The following NIPBL variants were observed in gnomAD, a reference collection of about 807,000 sequenced individuals.
NIPBL encodes NIPBL cohesin loading factor.
Under a neutral mutation model 321.8 loss-of-function variants are expected in NIPBL, and 19 were observed. The observed-to-expected ratio is 0.06, with a 90% confidence interval of 0.04 to 0.09. NIPBL has a LOEUF of 0.09. Among genes scored for constraint, NIPBL ranks in the 10% least tolerant of loss-of-function variants. NIPBL has a pLI of 1.00. For missense variants in NIPBL, 2,210 were observed against 3,327.0 expected, an observed-to-expected ratio of 0.66 and a Z score of 8.26; for synonymous variants, 1,106 against 1,114.1, an observed-to-expected ratio of 0.99 and a Z score of 0.14.
chr5:36,909,690 G>A (rs1198008955), intron 1 of NIPBL, among the ~76,000 whole-genome samples: 1 of 151,976 alleles, frequency 6.6e-6, no homozygotes, highest in Non-Finnish European at 1.5e-5. Flanking sequence ...AAGGTTAAAT[G>A]GGCATATAGT....
At chr5:36,943,617 A>C (rs1302741182) in intron 1 of NIPBL, among the ~76,000 whole-genome samples, 2 of 152,170 alleles carry the variant, frequency 1.3e-5, no homozygotes, top group Non-Finnish European at 2.9e-5. Context: ...AGAGATATTG[A>C]TTAGATAATT....
chr5:36,944,414 G>A (rs572762822), intron 1 of NIPBL, among the ~76,000 whole-genome samples: 35 of 152,112 alleles, frequency 2.3e-4, no homozygotes, highest in Non-Finnish European at 4.3e-4. Context: ...AGTATCTGAA[G>A]CATATTCCAT....
At chr5:36,886,348 C>A in intron 1 of NIPBL, 1 of 703,962 alleles carries the variant, frequency 1.4e-6, no homozygotes, top group Non-Finnish European at 2.6e-6. Flanking sequence ...CACCTGCCAC[C>A]GCCTGCTTGA....
intron 29 of NIPBL, 110 bp downstream of exon 29, chr5:37,022,500 A>T: frequency 1.0e-6 from 1 of 965,206 alleles, no homozygotes. Flanking sequence ...TTATATATTT[A>T]TATTGTCAAA....
rs1332816643 is a variant in NIPBL at position 37,007,901 on chromosome 5, T to C, written c.4240-107T>C. 5 of 750,928 alleles carry C rather than the reference T, an allele frequency of 6.7e-6. No individual in the cohort carries two copies. The East Asian group carries it at 1.3e-4, about 20-fold the overall frequency. The allele number at this position is 750,928 out of a possible 1,614,324, so 46.5% of individuals were successfully genotyped here. ...TTAGGTGGGGAAAAGAAAAAATGCT[T>C]TCTTAGTGTTTTCCAGTAAGCTTAT... On this transcript the variant is annotated intron_variant, in intron 18 of 46. Coordinates refer to ENST00000282516, the MANE Select transcript of NIPBL (RefSeq NM_133433.4).
intron 1 of NIPBL, among the ~76,000 whole-genome samples, chr5:36,936,057 G>C (rs1738384626): frequency 6.6e-6 from 1 of 152,022 alleles, no homozygotes; most frequent in African/African-American, 2.4e-5. Flanking sequence ...ATTTGCAGGG[G>C]GTTGAGGGTT....
chr5:36,935,456 C>G (rs991351716), intron 1 of NIPBL, among the ~76,000 whole-genome samples: 2 of 152,094 alleles, frequency 1.3e-5, no homozygotes, highest in African/African-American at 2.4e-5. Flanking sequence ...GTCTAGTGAT[C>G]AGTTCTCAGA....
At chr5:37,053,881 C>T (rs159913) in intron 42 of NIPBL, among the ~76,000 whole-genome samples, 87,058 of 151,666 alleles carry the variant, frequency 0.57, 27,523 homozygotes, top group African/African-American at 0.86. Flanking sequence ...CACGCATGAA[C>T]CTATGTGTAT....
intron 29 of NIPBL, among the ~76,000 whole-genome samples, chr5:37,022,886 G>A (rs539063989): frequency 2.0e-5 from 3 of 152,282 alleles, no homozygotes; most frequent in South Asian, 2.1e-4. Context: ...AAAGTCCATT[G>A]AGGTTTAAGA....
chr5:36,891,251 G>A (rs954991904), intron 1 of NIPBL, among the ~76,000 whole-genome samples: 3 of 152,034 alleles, frequency 2.0e-5, no homozygotes, highest in Non-Finnish European at 4.4e-5. Context: ...GGCAAAGAGC[G>A]AGACTCCATC....
At chr5:36,918,338 T>C (rs531032687) in intron 1 of NIPBL, among the ~76,000 whole-genome samples, 5 of 152,268 alleles carry the variant, frequency 3.3e-5, no homozygotes, top group African/African-American at 1.2e-4. Context: ...CTGTTATTGG[T>C]GTTTAAGAAT....
intron 1 of NIPBL, among the ~76,000 whole-genome samples, chr5:36,929,533 A>G (rs1387120641): frequency 2.0e-5 from 3 of 151,968 alleles, no homozygotes; most frequent in Non-Finnish European, 4.4e-5. Context: ...TATTGATATC[A>G]TTTGAACTAT....
intron 1 of NIPBL, among the ~76,000 whole-genome samples, chr5:36,899,047 A>G (rs1747005736): frequency 6.6e-6 from 1 of 152,202 alleles, no homozygotes; most frequent in African/African-American, 2.4e-5. Flanking sequence ...GAAATCGAAG[A>G]AAACATTTGC....
chr5:36,955,318 G>A (rs1740818358), intron 2 of NIPBL, among the ~76,000 whole-genome samples, 154 bp from the exon 3 acceptor site: 1 of 152,108 alleles, frequency 6.6e-6, no homozygotes, highest in African/African-American at 2.4e-5. Flanking sequence ...AGTTTTGTAG[G>A]GTTGATTGAG....
rs185251340 is a variant in NIPBL, at chr5:36,989,568, T to G, written c.3121+3267T>G. Among the ~76,000 whole-genome samples the G allele has an allele frequency of 5.2e-4, 79 of 152,290 alleles. 1 individual carries two copies. The highest frequency in any genetic ancestry group is 4.1e-3 in the Admixed American group (62 of 15,290). ...AAAATAATAAAGTTATGAGATCCTT[T>G]AAGATTGGCATAATCTCCCAGCATT... On this transcript the variant is annotated intron_variant, in intron 10 of 46. Transcript: ENST00000282516.
chr5:37,062,452 TAG>T (rs995538772), intron 45 of NIPBL, among the ~76,000 whole-genome samples: 7 of 151,452 alleles, frequency 4.6e-5, no homozygotes, highest in African/African-American at 1.7e-4. Flanking sequence ...GCTTTAAAAA[TAG>T]AGACAGATAA....
chr5:36,910,428 G>C (rs779064330), intron 1 of NIPBL, among the ~76,000 whole-genome samples: 1 of 152,104 alleles, frequency 6.6e-6, no homozygotes. Context: ...CTCAGAATTT[G>C]TCATGTTTTA....
At chr5:36,919,364 C>A (rs933381698) in intron 1 of NIPBL, among the ~76,000 whole-genome samples, 1 of 151,676 alleles carries the variant, frequency 6.6e-6, no homozygotes, top group Admixed American at 6.6e-5. Flanking sequence ...TTCTCTCCTA[C>A]CTCTCTTTTT....
At chr5:36,885,887 A>T in intron 1 of NIPBL, 1 of 733,828 alleles carries the variant, frequency 1.4e-6, no homozygotes. Context: ...AGCCCAGCTC[A>T]CCAGCTCTGG....
Sources: allele counts gnomAD v4.1 joint callset (sites outside exome capture counted in the v4.1 genomes callset), GRCh38; gene constraint gnomAD v4.1.1; transcripts MANE v1.5; gene names NCBI Gene and HGNC (gene_info 2026-07-23, HGNC 2026-07-21).